Variants in TRRAP observed in about 807,000 individuals in gnomAD.
TRRAP encodes transformation/transcription domain-associated protein.
TRRAP carries 41 observed loss-of-function variants against 438.8 expected under a neutral mutation model. The observed-to-expected ratio is 0.09, with a 90% CI of 0.07 to 0.12. The LOEUF (loss-of-function observed/expected upper bound fraction) is 0.12, where lower values mean the gene tolerates loss of function less well. Among genes scored for constraint, TRRAP ranks in the 10% least tolerant of loss-of-function variants. The pLI, the probability that TRRAP is intolerant of heterozygous loss-of-function variation, is 1.00. For synonymous variants in TRRAP, 1,994 were observed against 1,962.9 expected (o/e 1.02, Z -0.42); for missense variants, 3,122 against 5,055.1 (o/e 0.62, Z 11.60).
chr7:98,972,500 A>T (rs1367109966), intron 53 of TRRAP, among the ~76,000 whole-genome samples: 1 of 152,234 alleles, frequency 6.6e-6, no homozygotes, highest in Non-Finnish European at 1.5e-5. Flanking sequence ...ATGATAAATG[A>T]GTTAATTTGC....
In TRRAP at chr7:98,931,521, G is replaced by T; in HGVS notation, c.3708G>T (p.Lys1236Asn). ...AAGAGATCGTGGCCGCCCAGGAAAA[G>T]TCTTTCCACCATGTGACACACGACT... ...RAEEIVAAQE[K>N]SFHHVTHDLV... The change falls in exon 26 of 73, where the codon AAG becomes AAT. Residue 1236 changes from lysine to asparagine, a missense_variant. Physicochemically the swap from Lys to Asn is moderately conservative, Grantham distance 94. Around this residue, in one of 24 missense-constraint regions of TRRAP, gnomAD observed 153 missense variants for 223.0 expected, o/e 0.69. Coordinates refer to ENST00000456197, the MANE Select transcript of TRRAP (RefSeq NM_001375524.1). The T allele has an allele frequency of 6.2e-7, 1 of 1,614,162 alleles. No individual in the cohort carries two copies. Among genetic ancestry groups the T allele is most frequent in the Non-Finnish European group, 8.5e-7 (1 of 1,180,002 alleles).
chr7:98,922,983 C>T lies in TRRAP; in HGVS notation c.2823+1030C>T, dbSNP rs552575229. ...GCGTCACTCTGGAGTTGTTTTCTGT[C>T]ATCATCTCAGTCAGCCTGTCCCCCG... is the stretch of plus-strand genomic sequence containing the variant. On this transcript the variant is annotated intron_variant, in intron 21 of 72. Transcript: ENST00000456197. 2.0e-5 allele frequency among the ~76,000 whole-genome samples: 3 copies of T among 152,178 alleles called. No homozygotes were observed. In the East Asian group the frequency reaches 5.8e-4, roughly 29 times the overall value.
chr7:98,888,850 A>G (rs1290665064), intron 3 of TRRAP, among the ~76,000 whole-genome samples: 2 of 152,070 alleles, frequency 1.3e-5, no homozygotes, highest in Non-Finnish European at 2.9e-5. Context: ...TTTGTTTGAT[A>G]TCTGTCTTCC....
rs1554416006 is a variant in TRRAP at position 98,942,916 on chromosome 7, G to A, written c.4405-33G>A. 1.9e-6 allele frequency: 3 copies of A among 1,613,500 alleles called. No individual in the cohort carries two copies. In the Admixed American group the frequency reaches 5.0e-5, roughly 27 times the overall value. On this transcript the variant is annotated intron_variant, in intron 30 of 72. Transcript: ENST00000456197. The stretch of plus-strand genomic sequence containing the variant: ...TCCACCAGTGGAATGCACCTACTGT[G>A]AAGTTGTGTCTCAGGATGTGTTTTT...
intron 12 of TRRAP, among the ~76,000 whole-genome samples, chr7:98,905,185 T>C (rs1411708754): frequency 6.6e-6 from 1 of 152,144 alleles, no homozygotes; most frequent in Non-Finnish European, 1.5e-5. Flanking sequence ...TCTTGGCCAC[T>C]TCACTGCAGC....
chr7:98,901,934 G>C (rs1554406715), intron 11 of TRRAP, among the ~76,000 whole-genome samples: 1 of 152,178 alleles, frequency 6.6e-6, no homozygotes, highest in East Asian at 1.9e-4. Context: ...CCACAGATTT[G>C]TACCATTACC....
chr7:98,898,987 A>G (rs1210968275), intron 8 of TRRAP, among the ~76,000 whole-genome samples: 2 of 152,214 alleles, frequency 1.3e-5, no homozygotes, highest in African/African-American at 4.8e-5. Context: ...CAGGAGTTTG[A>G]GACCAGCCTG....
intron 67 of TRRAP, among the ~76,000 whole-genome samples, chr7:98,995,596 C>T (rs1040406805): frequency 6.6e-6 from 1 of 151,906 alleles, no homozygotes; most frequent in Non-Finnish European, 1.5e-5. Flanking sequence ...GTCCAATTTC[C>T]TTCAGCCCAG....
intron 27 of TRRAP, among the ~76,000 whole-genome samples, chr7:98,934,383 A>G (rs1205483907): frequency 6.6e-6 from 1 of 152,210 alleles, no homozygotes; most frequent in African/African-American, 2.4e-5. Context: ...ATAGGATCAT[A>G]TGATCTGGCT....
intron 11 of TRRAP, among the ~76,000 whole-genome samples, chr7:98,902,797 A>G (rs782165346): frequency 3.9e-5 from 6 of 151,948 alleles, no homozygotes; most frequent in African/African-American, 7.2e-5. Flanking sequence ...CTTAAAAAAA[A>G]TCTTAGAAGC....
At chr7:98,989,965 C>G (rs1438502439) in intron 63 of TRRAP, among the ~76,000 whole-genome samples, 2 of 152,184 alleles carry the variant, frequency 1.3e-5, no homozygotes, top group Non-Finnish European at 2.9e-5. Context: ...TGGTGGCTCA[C>G]GCTTGTAAAC....
chr7:98,999,038 T>G (rs1584408547), intron 67 of TRRAP: 1 of 819,396 alleles, frequency 1.2e-6, no homozygotes, highest in Non-Finnish European at 2.0e-6. Flanking sequence ...AGCTCCAAGG[T>G]GGATGGGAGG....
chr7:99,012,574 A>C lies in TRRAP; in HGVS notation c.*219A>C. Reference sequence around the variant, plus strand: ...GCTGGGCGAAGCGGTTGGAAATGGCAGAGCTGAAACTTATTCCAAGCTTTC... The same window carrying C: ...GCTGGGCGAAGCGGTTGGAAATGGCCGAGCTGAAACTTATTCCAAGCTTTC... On this transcript the variant is annotated 3_prime_UTR_variant, in exon 73 of 73. Transcript: ENST00000456197. The surrounding 1 kb of genome is among the most constrained non-coding windows in gnomAD (Gnocchi z 5.9). The C allele has an allele frequency of 1.7e-6, 1 of 598,228 alleles. No homozygotes were observed. The highest frequency in any genetic ancestry group is 2.8e-6 in the Non-Finnish European group (1 of 353,002). 37.1% of individuals were successfully genotyped at this position (598,228 alleles called of 1,614,324 possible).
chr7:98,890,939 C>T (rs564807516), intron 4 of TRRAP, among the ~76,000 whole-genome samples: 5 of 151,018 alleles, frequency 3.3e-5, no homozygotes, highest in South Asian at 4.2e-4. Context: ...TACTGGTGTG[C>T]GCCACAATGC....
chr7:98,951,059 CTGTGTGTGTGTG>C (rs67173253), intron 39 of TRRAP, 55 bp downstream of exon 39: 14 of 969,246 alleles, frequency 1.4e-5, no homozygotes, highest in South Asian at 1.0e-4. Context: ...GGATGAACAT[CTGTGTGTGTGTG>C]TGTGTGTGTG....
chr7:98,990,182 C>A (rs567290299), intron 63 of TRRAP, among the ~76,000 whole-genome samples: 4 of 152,184 alleles, frequency 2.6e-5, no homozygotes, highest in Non-Finnish European at 5.9e-5. Flanking sequence ...GAGCCAAGAT[C>A]GCACCACGGC....
chr7:98,963,455 T>C (rs774322937), intron 47 of TRRAP, among the ~76,000 whole-genome samples: 22 of 152,162 alleles, frequency 1.4e-4, no homozygotes, highest in Non-Finnish European at 3.2e-4. Context: ...GCTGACCTCA[T>C]GGGCCCTGCC....
At chr7:98,929,947 G>A (rs1790245644) in intron 23 of TRRAP, 42 bp from the exon 24 acceptor site, 1 of 1,600,556 alleles carries the variant, frequency 6.2e-7, no homozygotes, top group Non-Finnish European at 8.6e-7. Context: ...GCAGTTTGAG[G>A]GACAAGACTG....
chr7:98,971,337 C>T lies in TRRAP; in HGVS notation c.7693-462C>T, dbSNP rs1792410559. Among the ~76,000 whole-genome samples, 3 of 152,132 alleles carry T rather than the reference C, an allele frequency of 2.0e-5. No individual in the cohort carries two copies. In the South Asian group the frequency reaches 6.2e-4, roughly 32 times the overall value. ...TTGATTGTTGACTGACTTCTCCAAA[C>T]CTTCAGACAGAAATAAGGTGTATTC... On this transcript the variant is annotated intron_variant, in intron 52 of 72. Coordinates refer to ENST00000456197, the MANE Select transcript of TRRAP (RefSeq NM_001375524.1).
Sources: allele counts gnomAD v4.1 joint callset (sites outside exome capture counted in the v4.1 genomes callset), GRCh38; gene constraint gnomAD v4.1.1; regional missense constraint gnomAD v4.1.1; non-coding constraint Gnocchi (gnomAD v3.1); transcripts MANE v1.5; gene names NCBI Gene and HGNC (gene_info 2026-07-23, HGNC 2026-07-21).